Variants in ZNF407 observed in about 807,000 individuals in gnomAD.
ZNF407 encodes zinc finger protein 407.
A neutral mutation model predicts 131.2 loss-of-function variants in ZNF407; 17 were observed. That is an observed-to-expected ratio of 0.13 (90% CI 0.09 to 0.19). The LOEUF (loss-of-function observed/expected upper bound fraction) is 0.19, where lower values mean the gene tolerates loss of function less well. Ranked by LOEUF, ZNF407 falls within the 10% of genes least tolerant of loss-of-function variation. The pLI, the probability that ZNF407 is intolerant of heterozygous loss-of-function variation, is 1.00. For missense variants in ZNF407, 2,681 were observed against 2,830.6 expected (o/e 0.95, Z 1.20); for synonymous variants, 1,156 against 1,062.0 (o/e 1.09, Z -1.72).
chr18:74,727,865 G>A (rs556396725), intron 3 of ZNF407, among the ~76,000 whole-genome samples: 29 of 152,176 alleles, frequency 1.9e-4, no homozygotes, highest in Non-Finnish European at 3.4e-4. Context: ...GCTCAGACAA[G>A]TCTCTTTTAA....
intron 7 of ZNF407, among the ~76,000 whole-genome samples, chr18:74,894,127 G>A (rs2145200662): frequency 6.6e-6 from 1 of 151,982 alleles, no homozygotes; most frequent in East Asian, 1.9e-4. Flanking sequence ...ATTAATTTAG[G>A]CAATGACATC....
chr18:74,757,163 G>A (rs1404921700), intron 3 of ZNF407, among the ~76,000 whole-genome samples: 2 of 151,586 alleles, frequency 1.3e-5, no homozygotes, highest in Non-Finnish European at 2.9e-5. Flanking sequence ...TAGTTATGGT[G>A]GAAAAATTAG....
chr18:74,644,747 G>A (rs1182124451), intron 3 of ZNF407, among the ~76,000 whole-genome samples: 3 of 151,866 alleles, frequency 2.0e-5, no homozygotes, highest in African/African-American at 7.2e-5. Context: ...AATGTTTTCA[G>A]TGATGTACTT....
chr18:74,916,346 G>A (rs1971762194), intron 7 of ZNF407, among the ~76,000 whole-genome samples: 1 of 121,142 alleles, frequency 8.3e-6, no homozygotes, highest in Non-Finnish European at 1.6e-5. Flanking sequence ...TCGGGAGTGT[G>A]TGTGTGTGTG....
intron 3 of ZNF407, among the ~76,000 whole-genome samples, chr18:74,749,338 C>T (rs1968745174): frequency 6.6e-6 from 1 of 152,178 alleles, no homozygotes; most frequent in Non-Finnish European, 1.5e-5. Flanking sequence ...ATCCCCCAGC[C>T]TTCTTGCTGG....
chr18:74,889,078 G>C (rs1375272489), intron 6 of ZNF407, among the ~76,000 whole-genome samples: 1 of 152,112 alleles, frequency 6.6e-6, no homozygotes, highest in Admixed American at 6.6e-5. Flanking sequence ...TGTTACAGTT[G>C]CCTACAGTAT....
At chr18:74,969,026 C>G (rs1599269754) in intron 8 of ZNF407, among the ~76,000 whole-genome samples, 1 of 152,134 alleles carries the variant, frequency 6.6e-6, no homozygotes, top group Non-Finnish European at 1.5e-5. Flanking sequence ...TGATGGTATC[C>G]TCTGTCATCG....
At chr18:74,868,847 C>T (rs1971048678) in intron 4 of ZNF407, among the ~76,000 whole-genome samples, 1 of 152,144 alleles carries the variant, frequency 6.6e-6, no homozygotes, top group Non-Finnish European at 1.5e-5. Flanking sequence ...TTCTGATGTT[C>T]TCATTATTTC....
At position 75,042,136 on chromosome 18, in the gene ZNF407, A is replaced by C. The variant is rs570159575; in HGVS notation, c.5429-21014A>C. On this transcript the variant is annotated intron_variant, in intron 8 of 8. Coordinates refer to ENST00000299687, the MANE Select transcript of ZNF407 (RefSeq NM_017757.3). Reference sequence around the variant, plus strand: ...AGCTAATCTGGAACTCCTGGGCTCCAGTGGTCCTCCCACCTTGGCCTCCCA... The same window carrying C: ...AGCTAATCTGGAACTCCTGGGCTCCCGTGGTCCTCCCACCTTGGCCTCCCA... 7.3e-5 allele frequency among the ~76,000 whole-genome samples: 11 copies of C among 150,360 alleles called. 1 individual carries two copies. The South Asian group carries it at 2.3e-3, about 31-fold the overall frequency.
chr18:74,631,162 T>C lies in ZNF407; in HGVS notation c.143T>C (p.Met48Thr). 7 of 1,613,982 alleles carry C rather than the reference T, an allele frequency of 4.3e-6. No individual in the cohort carries two copies. Among genetic ancestry groups the C allele is most frequent in the Non-Finnish European group, 5.9e-6 (7 of 1,179,884 alleles). The change falls in exon 2 of 9, where the codon ATG becomes ACG. Residue 48 changes from methionine to threonine, a missense_variant. Physicochemically the swap from Met to Thr is moderately conservative, Grantham distance 81 (BLOSUM62 -1). Around this residue, in one of 6 missense-constraint regions of ZNF407, gnomAD observed 1,789 missense variants for 1,748.7 expected, o/e 1.02. Transcript: ENST00000299687. ...ATAGCAAGTTTCCCTGAGAATTCTA[T>C]GGGCAAAAGAGGTTTTTCAGAATCA... ...DVIASFPENS[M>T]GKRGFSESSN...
At chr18:74,739,228 A>T (rs1315955589) in intron 3 of ZNF407, among the ~76,000 whole-genome samples, 2 of 151,460 alleles carry the variant, frequency 1.3e-5, no homozygotes, top group Non-Finnish European at 1.5e-5. Flanking sequence ...ATTTGAATTT[A>T]GGCATATCCA....
At chr18:74,842,785 G>A (rs1360892376) in intron 4 of ZNF407, among the ~76,000 whole-genome samples, 1 of 151,994 alleles carries the variant, frequency 6.6e-6, no homozygotes, top group Non-Finnish European at 1.5e-5. Flanking sequence ...GTGCAGTGTT[G>A]GAATCTCGGC....
At chr18:74,598,296 G>A (rs1479321677) in intron 1 of ZNF407, 4 of 152,310 alleles carry the variant, frequency 2.6e-5, no homozygotes, top group Admixed American at 6.5e-5. Context: ...CGGAGCTCTT[G>A]TGGACACCTC....
chr18:75,039,442 A>T (rs1314936489), intron 8 of ZNF407, among the ~76,000 whole-genome samples: 1 of 152,158 alleles, frequency 6.6e-6, no homozygotes. Context: ...TGATGTGTGG[A>T]TGATAAAGAG....
intron 4 of ZNF407, among the ~76,000 whole-genome samples, chr18:74,839,333 T>C (rs1970600446): frequency 6.6e-6 from 1 of 152,222 alleles, no homozygotes; most frequent in Non-Finnish European, 1.5e-5. Flanking sequence ...ACACTGGAGA[T>C]TAATTACAAG....
At chr18:74,650,647 CTT>C (rs1450146630) in intron 3 of ZNF407, among the ~76,000 whole-genome samples, 1 of 152,030 alleles carries the variant, frequency 6.6e-6, no homozygotes, top group Admixed American at 6.6e-5. Flanking sequence ...TGCAGGTTCT[CTT>C]TGTGAGAGAG....
At position 74,933,044 on chromosome 18, in the gene ZNF407, A is replaced by G. The variant is rs565912656; in HGVS notation, c.5428+12352A>G. ...TTATCCAGCAGTTCCACTTTGGGAT[A>G]GATATCCCAAATCATTGAAGGCAAG... On this transcript the variant is annotated intron_variant, in intron 8 of 8. Transcript: ENST00000299687. Among the ~76,000 whole-genome samples, 3 of 152,328 alleles carry G rather than the reference A, an allele frequency of 2.0e-5. No homozygotes were observed. The East Asian group carries it at 5.8e-4, about 29-fold the overall frequency.
chr18:75,037,874 C>G (rs1012708635), intron 8 of ZNF407, among the ~76,000 whole-genome samples: 10 of 152,128 alleles, frequency 6.6e-5, no homozygotes, highest in Non-Finnish European at 1.3e-4. Flanking sequence ...GTGCTCATTG[C>G]TCTTCCCTGG....
intron 8 of ZNF407, among the ~76,000 whole-genome samples, chr18:74,941,065 C>T (rs1269259437): frequency 1.4e-5 from 2 of 141,526 alleles, no homozygotes; most frequent in Non-Finnish European, 3.0e-5. Context: ...ATCCCAGTGG[C>T]GGAACCGGGC....
Sources: gnomAD v4.1 joint callset for allele counts (sites outside exome capture counted in the v4.1 genomes callset) on GRCh38, gnomAD v4.1.1 for gene constraint, gnomAD v4.1.1 regional missense constraint, MANE v1.5 for transcripts, NCBI Gene and HGNC (gene_info 2026-07-23, HGNC 2026-07-21) for gene names.